SH3PXD2A: variants seen among roughly 807,000 people sequenced by gnomAD.
SH3PXD2A encodes the protein SH3 and PX domain-containing protein 2A.
Under a neutral mutation model 115.2 loss-of-function variants are expected in SH3PXD2A, and 32 were observed. That is an observed-to-expected ratio of 0.28 (90% CI 0.21 to 0.37). SH3PXD2A has a LOEUF of 0.37. Among genes scored for constraint, SH3PXD2A ranks in the 10% least tolerant of loss-of-function variants. The probability of loss-of-function intolerance (pLI) is 1.00; values close to 1 mark genes in which losing one functional copy is unlikely to be tolerated. For synonymous variants in SH3PXD2A, 610 were observed against 629.1 expected (o/e 0.97, Z 0.45); for missense variants, 1,328 against 1,498.7 (o/e 0.89, Z 1.88).
At chr10:103,662,348 G>C (rs1213051512) in intron 7 of SH3PXD2A, among the ~76,000 whole-genome samples, 5 of 95,276 alleles carry the variant, frequency 5.2e-5, no homozygotes, top group Admixed American at 2.0e-4. Flanking sequence ...TGGCGGGGGG[G>C]GGGGCGGGGG....
intron 3 of SH3PXD2A, chr10:103,755,003 T>C (rs2038623612): frequency 6.6e-6 from 1 of 152,250 alleles, no homozygotes; most frequent in South Asian, 2.1e-4. Flanking sequence ...CACCTGTGCA[T>C]GTTAAAATGC....
intron 6 of SH3PXD2A, among the ~76,000 whole-genome samples, chr10:103,691,537 G>A (rs2037751712): frequency 6.6e-6 from 1 of 152,076 alleles, no homozygotes; most frequent in African/African-American, 2.4e-5. Flanking sequence ...TGCCTGGAGT[G>A]ACAGTGGAGG....
intron 1 of SH3PXD2A, among the ~76,000 whole-genome samples, chr10:103,810,430 G>A (rs768548762): frequency 1.3e-5 from 2 of 152,176 alleles, no homozygotes; most frequent in African/African-American, 2.4e-5. Flanking sequence ...ATGGAGTGCC[G>A]AGAAGTGAGC....
At chr10:103,821,936 C>A (rs2039385336) in intron 1 of SH3PXD2A, among the ~76,000 whole-genome samples, 1 of 151,162 alleles carries the variant, frequency 6.6e-6, no homozygotes, top group Non-Finnish European at 1.5e-5. Context: ...CAAAGTCTTG[C>A]TCTGTCACCC....
intron 2 of SH3PXD2A, among the ~76,000 whole-genome samples, chr10:103,793,721 A>G (rs1367043176): frequency 3.9e-5 from 6 of 152,228 alleles, no homozygotes; most frequent in Admixed American, 1.3e-4. Flanking sequence ...CTTAGAACTT[A>G]GCAGGTTACC....
chr10:103,700,702 C>T (rs150148846), intron 5 of SH3PXD2A, among the ~76,000 whole-genome samples: 1 of 152,312 alleles, frequency 6.6e-6, no homozygotes, highest in East Asian at 1.9e-4. Context: ...GTTCAGCCCA[C>T]TGCCATGGAG....
At chr10:103,842,053 A>C (rs2039605335) in intron 1 of SH3PXD2A, among the ~76,000 whole-genome samples, 1 of 142,256 alleles carries the variant, frequency 7.0e-6, no homozygotes, top group Non-Finnish European at 1.5e-5. Flanking sequence ...TGAACCCGGG[A>C]GGTGGAGCTT....
intron 8 of SH3PXD2A, among the ~76,000 whole-genome samples, chr10:103,650,178 C>A (rs1264875431): frequency 2.0e-5 from 1 of 49,562 alleles, no homozygotes; most frequent in Admixed American, 2.0e-4. Flanking sequence ...AGCTCAGCAG[C>A]GGCAGCAGCT....
Position 103,785,096 on chromosome 10 carries a change from G to A in SH3PXD2A, c.153+16186C>T, listed in dbSNP as rs1270404170. On this transcript the variant is annotated intron_variant, in intron 2 of 14. Coordinates refer to ENST00000369774, the MANE Select transcript of SH3PXD2A (RefSeq NM_001394015.1). ...AAGGCTTGGACCAGAGAAAACGGCTGTTCACTGATAGAAGATATTCAAGGG... is the reference window on the plus strand; with the variant it reads ...AAGGCTTGGACCAGAGAAAACGGCTATTCACTGATAGAAGATATTCAAGGG... Among the ~76,000 whole-genome samples the A allele has an allele frequency of 2.0e-5, 3 of 152,164 alleles. No homozygotes were observed. The East Asian group carries it at 5.8e-4, about 29-fold the overall frequency.
chr10:103,690,686 A>C (rs1044240416), intron 6 of SH3PXD2A, among the ~76,000 whole-genome samples: 1 of 152,280 alleles, frequency 6.6e-6, no homozygotes, highest in African/African-American at 2.4e-5. Flanking sequence ...AGAAACATCT[A>C]GAATAATGCT....
At position 103,601,238 on chromosome 10, in the gene SH3PXD2A, C is replaced by G. The variant is rs1307577227; in HGVS notation, c.*578G>C. 1 of 152,340 alleles carries G rather than the reference C, an allele frequency of 6.6e-6. No individual in the cohort carries two copies. Among genetic ancestry groups the G allele is most frequent in the African/African-American group, 2.4e-5 (1 of 41,454 alleles). The allele number at this position is 152,340 out of a possible 1,614,324, so 9.4% of individuals were successfully genotyped here. A position where few individuals can be genotyped will look rare whatever the true frequency, so the allele number is the denominator to read the frequency against. Reference sequence around the variant, plus strand: ...CAGTGACAATGGCCTGGCCCAGAAGCAGGCTTGAGCTCAGAAGACACCCCC... The same window carrying G: ...CAGTGACAATGGCCTGGCCCAGAAGGAGGCTTGAGCTCAGAAGACACCCCC... On this transcript the variant is annotated 3_prime_UTR_variant, in exon 15 of 15. Transcript: ENST00000369774.
intron 10 of SH3PXD2A, among the ~76,000 whole-genome samples, chr10:103,618,652 G>T (rs765852833): frequency 6.6e-6 from 1 of 152,232 alleles, no homozygotes; most frequent in Non-Finnish European, 1.5e-5. Flanking sequence ...ACTGCATCAC[G>T]ACCAGGCAAG....
intron 2 of SH3PXD2A, among the ~76,000 whole-genome samples, chr10:103,775,230 A>G (rs1423746309): frequency 6.6e-6 from 1 of 151,872 alleles, no homozygotes; most frequent in Admixed American, 6.6e-5. Context: ...GTCTTCTTTG[A>G]CCATTTTCTG....
intron 1 of SH3PXD2A, among the ~76,000 whole-genome samples, chr10:103,832,995 A>T (rs1034935886): frequency 6.6e-6 from 1 of 152,230 alleles, no homozygotes; most frequent in Non-Finnish European, 1.5e-5. Flanking sequence ...TACACCACTT[A>T]AAATTCTACG....
chr10:103,613,505 A>G (rs1220984928), intron 11 of SH3PXD2A, among the ~76,000 whole-genome samples: 1 of 152,222 alleles, frequency 6.6e-6, no homozygotes, highest in African/African-American at 2.4e-5. Flanking sequence ...GGGTTGCCCA[A>G]AGGAGGACTT....
chr10:103,805,142 A>T (rs2039189050), intron 1 of SH3PXD2A, among the ~76,000 whole-genome samples: 1 of 152,232 alleles, frequency 6.6e-6, no homozygotes, highest in Admixed American at 6.5e-5. Flanking sequence ...CACATCCTCC[A>T]TCCCACTAGC....
intron 1 of SH3PXD2A, among the ~76,000 whole-genome samples, chr10:103,842,020 G>A (rs796880551): frequency 6.6e-6 from 1 of 151,822 alleles, no homozygotes; most frequent in African/African-American, 2.4e-5. Flanking sequence ...AGCTACTCGG[G>A]AGGCTGAGGC....
intron 2 of SH3PXD2A, among the ~76,000 whole-genome samples, chr10:103,774,827 T>C (rs765712760): frequency 2.6e-5 from 4 of 152,196 alleles, no homozygotes; most frequent in South Asian, 2.1e-4. Context: ...GTGGATATTG[T>C]TAGGACTTAT....
chr10:103,655,527 C>T (rs183942241), intron 8 of SH3PXD2A, among the ~76,000 whole-genome samples: 43 of 152,132 alleles, frequency 2.8e-4, no homozygotes, highest in Non-Finnish European at 5.0e-4. Context: ...AATCCCAGCA[C>T]TTTGGGAGGC....
Sources: gnomAD v4.1 joint callset for allele counts (sites outside exome capture counted in the v4.1 genomes callset) on GRCh38, gnomAD v4.1.1 for gene constraint, MANE v1.5 for transcripts, NCBI Gene and HGNC (gene_info 2026-07-23, HGNC 2026-07-21) for gene names.